The following GRM7 variants were observed in gnomAD, a reference collection of about 807,000 sequenced individuals.
GRM7 encodes metabotropic glutamate receptor 7.
Under a neutral mutation model 84.5 loss-of-function variants are expected in GRM7, and 35 were observed. The ratio of observed to expected loss-of-function variants is 0.41; its 90% confidence interval spans 0.32 to 0.55. The LOEUF (loss-of-function observed/expected upper bound fraction) is 0.55. Ranked by LOEUF, GRM7 falls within the 20% of genes least tolerant of loss-of-function variation. The pLI, the probability that GRM7 is intolerant of heterozygous loss-of-function variation, is 0.19. For missense variants in GRM7, 1,003 were observed against 1,194.6 expected, an observed-to-expected ratio of 0.84 and a Z score of 2.36; for synonymous variants, 487 against 455.1, an observed-to-expected ratio of 1.07 and a Z score of -0.89.
chr3:7,165,605 A>C (rs1315793225), intron 2 of GRM7, among the ~76,000 whole-genome samples: 2 of 152,258 alleles, frequency 1.3e-5, no homozygotes, highest in Non-Finnish European at 2.9e-5. Flanking sequence ...AATAGGGTAC[A>C]CTTAGCTAAT....
At chr3:7,159,258 G>C (rs571195549) in intron 2 of GRM7, among the ~76,000 whole-genome samples, 1 of 152,096 alleles carries the variant, frequency 6.6e-6, no homozygotes. Context: ...ATCTGTTAAC[G>C]TGAAATACAA....
chr3:7,211,164 C>G (rs1214751228), intron 2 of GRM7, among the ~76,000 whole-genome samples: 1 of 152,116 alleles, frequency 6.6e-6, no homozygotes, highest in African/African-American at 2.4e-5. Flanking sequence ...CTAAAGTACC[C>G]CACCTTTGAT....
intron 1 of GRM7, among the ~76,000 whole-genome samples, chr3:7,125,997 A>G (rs1188918463): frequency 1.3e-5 from 2 of 152,230 alleles, no homozygotes; most frequent in East Asian, 3.9e-4. Context: ...TTTCCTAATT[A>G]TAATTTGTTC....
intron 8 of GRM7, among the ~76,000 whole-genome samples, chr3:7,646,215 G>A (rs1698629071): frequency 1.3e-5 from 2 of 152,046 alleles, no homozygotes; most frequent in Non-Finnish European, 1.5e-5. Flanking sequence ...TATTTGAGAT[G>A]GAGTCTCACT....
chr3:7,163,056 A>C (rs899360584), intron 2 of GRM7, among the ~76,000 whole-genome samples: 9 of 151,498 alleles, frequency 5.9e-5, no homozygotes, highest in African/African-American at 2.2e-4. Flanking sequence ...CACCATGCCC[A>C]GCCTACTCTT....
At chr3:7,271,012 T>G (rs1165458746) in intron 2 of GRM7, among the ~76,000 whole-genome samples, 1 of 152,184 alleles carries the variant, frequency 6.6e-6, no homozygotes, top group Admixed American at 6.5e-5. Context: ...GACTTGGCTG[T>G]CTGTCTCAAG....
chr3:7,035,752 A>G (rs1174877375), intron 1 of GRM7, among the ~76,000 whole-genome samples: 1 of 152,214 alleles, frequency 6.6e-6, no homozygotes, highest in Non-Finnish European at 1.5e-5. Context: ...TGTGGCTTAT[A>G]TGAGAATGTA....
At chr3:7,514,224 G>A (rs1700302657) in intron 7 of GRM7, among the ~76,000 whole-genome samples, 1 of 152,160 alleles carries the variant, frequency 6.6e-6, no homozygotes, top group South Asian at 2.1e-4. Context: ...ACAAAAATCT[G>A]TAATTCTCCT....
At chr3:7,524,115 C>T (rs1423089616) in intron 7 of GRM7, among the ~76,000 whole-genome samples, 1 of 151,950 alleles carries the variant, frequency 6.6e-6, no homozygotes, top group Non-Finnish European at 1.5e-5. Context: ...CAAAGAAAGT[C>T]AGATGGGTTA....
chr3:7,691,190 A>G, intron 9 of GRM7: 1 of 849,826 alleles, frequency 1.2e-6, no homozygotes, highest in Non-Finnish European at 1.7e-6. Flanking sequence ...TTCCCTTTAT[A>G]TCTCTGCCCT....
chr3:6,889,443 CGTT>C (rs1559309150), intron 1 of GRM7, among the ~76,000 whole-genome samples: 1 of 150,212 alleles, frequency 6.7e-6, no homozygotes, highest in African/African-American at 2.5e-5. Flanking sequence ...TAGCATGAAG[CGTT>C]GTTGAATTTT....
chr3:7,272,905 T>C (rs1471174521), intron 2 of GRM7, among the ~76,000 whole-genome samples: 1 of 152,032 alleles, frequency 6.6e-6, no homozygotes, highest in Non-Finnish European at 1.5e-5. Flanking sequence ...ATTAATTGCC[T>C]CTTTTTTTCT....
intron 8 of GRM7, among the ~76,000 whole-genome samples, chr3:7,667,283 AGAG>A (rs1559475199): frequency 1.9e-5 from 2 of 105,728 alleles, no homozygotes; most frequent in African/African-American, 6.3e-5. Context: ...AAAAAAAAAG[AGAG>A]AGAGAGAGAG....
chr3:7,013,110 T>C (rs1347836435), intron 1 of GRM7, among the ~76,000 whole-genome samples: 1 of 144,950 alleles, frequency 6.9e-6, no homozygotes, highest in Non-Finnish European at 1.5e-5. Context: ...TGGATGACAA[T>C]CCATTCTTCA....
chr3:7,630,289 G>C (rs1471671693), intron 8 of GRM7, among the ~76,000 whole-genome samples: 6 of 150,174 alleles, frequency 4.0e-5, no homozygotes, highest in Non-Finnish European at 7.4e-5. Context: ...ATTAAGCTAA[G>C]GAATCTTCCC....
At chr3:6,886,605 T>G (rs929223838) in intron 1 of GRM7, among the ~76,000 whole-genome samples, 2 of 152,102 alleles carry the variant, frequency 1.3e-5, no homozygotes, top group African/African-American at 4.8e-5. Context: ...ATGCTTCATA[T>G]TCCTCATGAT....
intron 9 of GRM7, among the ~76,000 whole-genome samples, chr3:7,739,940 C>T (rs1702633811): frequency 1.3e-5 from 2 of 152,280 alleles, no homozygotes; most frequent in South Asian, 2.1e-4. Context: ...TGCATTCAAC[C>T]TCAACTAATG....
chr3:6,990,396 T>C (rs1694590068), intron 1 of GRM7, among the ~76,000 whole-genome samples: 3 of 152,182 alleles, frequency 2.0e-5, no homozygotes, highest in Non-Finnish European at 4.4e-5. Flanking sequence ...TCTAAGTCTG[T>C]TAATACTGGG....
chr3:7,426,278 C>G (rs1696608619), intron 5 of GRM7, among the ~76,000 whole-genome samples: 1 of 152,098 alleles, frequency 6.6e-6, no homozygotes, highest in East Asian at 1.9e-4. Flanking sequence ...CGCCACCACG[C>G]CCTGCTAATT....
Sources: gnomAD v4.1 joint callset for allele counts (sites outside exome capture counted in the v4.1 genomes callset) on GRCh38, gnomAD v4.1.1 for gene constraint, MANE v1.5 for transcripts, NCBI Gene and HGNC (gene_info 2026-07-23, HGNC 2026-07-21) for gene names.